The following GALNTL6 variants were observed in gnomAD, a reference collection of about 807,000 sequenced individuals.
The protein encoded by GALNTL6 is polypeptide N-acetylgalactosaminyltransferase-like 6.
Under a neutral mutation model 73.7 loss-of-function variants are expected in GALNTL6, and 46 were observed. The ratio of observed to expected loss-of-function variants is 0.62; its 90% CI spans 0.49 to 0.80. GALNTL6 has a LOEUF of 0.80. Among genes scored for constraint, GALNTL6 ranks in the 30% least tolerant of loss-of-function variants. The pLI is 0.00. For synonymous variants in GALNTL6, 259 were observed against 263.7 expected, an observed-to-expected ratio of 0.98 and a Z score of 0.17; for missense variants, 604 against 755.0, an observed-to-expected ratio of 0.80 and a Z score of 2.34.
At chr4:172,209,091 C>T (rs781450779) in intron 2 of GALNTL6, among the ~76,000 whole-genome samples, 35 of 152,068 alleles carry the variant, frequency 2.3e-4, no homozygotes, top group Non-Finnish European at 4.0e-4. Context: ...ATTACAAGGA[C>T]GTCTAATTGC....
At chr4:172,675,855 T>G (rs962781754) in intron 5 of GALNTL6, among the ~76,000 whole-genome samples, 1 of 152,302 alleles carries the variant, frequency 6.6e-6, no homozygotes, top group East Asian at 1.9e-4. Flanking sequence ...GTCTCAGTAT[T>G]TGGTGTTTTG....
intron 2 of GALNTL6, among the ~76,000 whole-genome samples, chr4:171,995,831 C>T (rs1740470001): frequency 6.6e-6 from 1 of 151,924 alleles, no homozygotes; most frequent in Non-Finnish European, 1.5e-5. Flanking sequence ...AGGATAACAA[C>T]TTAGAAAAGT....
intron 2 of GALNTL6, among the ~76,000 whole-genome samples, chr4:171,882,575 G>A (rs940630167): frequency 1.5e-4 from 23 of 152,162 alleles, no homozygotes; most frequent in African/African-American, 4.6e-4. Context: ...CCAAAGGCCC[G>A]AGAACCCCCG....
At chr4:171,999,142 C>T (rs1387285691) in intron 2 of GALNTL6, among the ~76,000 whole-genome samples, 2 of 152,098 alleles carry the variant, frequency 1.3e-5, no homozygotes. Flanking sequence ...TAGCCTGATT[C>T]CTATGTTATT....
chr4:172,215,159 G>T (rs1016037334), intron 2 of GALNTL6, among the ~76,000 whole-genome samples: 1 of 151,720 alleles, frequency 6.6e-6, no homozygotes, highest in Non-Finnish European at 1.5e-5. Flanking sequence ...TTTAAATTTG[G>T]TGTGTTTCGT....
chr4:172,427,663 C>T (rs989623479), intron 5 of GALNTL6, among the ~76,000 whole-genome samples: 1 of 152,082 alleles, frequency 6.6e-6, no homozygotes, highest in Non-Finnish European at 1.5e-5. Flanking sequence ...GACCAACAGC[C>T]TATTTTAAAA....
intron 3 of GALNTL6, among the ~76,000 whole-genome samples, chr4:172,303,205 G>T (rs558385879): frequency 7.2e-5 from 11 of 152,050 alleles, no homozygotes; most frequent in African/African-American, 2.2e-4. Context: ...TCACCATCTT[G>T]GCCAGGCTGG....
At chr4:172,757,555 C>A (rs1737821249) in intron 5 of GALNTL6, among the ~76,000 whole-genome samples, 1 of 152,180 alleles carries the variant, frequency 6.6e-6, no homozygotes, top group Admixed American at 6.5e-5. Context: ...ACTTGAACTC[C>A]TCTGTCTCAA....
chr4:172,790,823 T>C (rs1739951799), intron 5 of GALNTL6, among the ~76,000 whole-genome samples: 1 of 138,432 alleles, frequency 7.2e-6, no homozygotes, highest in Non-Finnish European at 1.5e-5. Flanking sequence ...AACTGGGACC[T>C]GGGAGGCAGA....
chr4:172,701,574 T>C (rs1734030391), intron 5 of GALNTL6, among the ~76,000 whole-genome samples: 1 of 152,098 alleles, frequency 6.6e-6, no homozygotes, highest in African/African-American at 2.4e-5. Flanking sequence ...GGGTGGGCTT[T>C]AGTCGCAGTG....
intron 7 of GALNTL6, among the ~76,000 whole-genome samples, chr4:172,866,732 C>T (rs1017570348): frequency 2.0e-5 from 3 of 152,298 alleles, no homozygotes; most frequent in South Asian, 2.1e-4. Flanking sequence ...GATGCTGCTG[C>T]GCTGTCTGAA....
chr4:172,424,238 A>AT (rs901878605), intron 5 of GALNTL6, among the ~76,000 whole-genome samples: 1 of 151,982 alleles, frequency 6.6e-6, no homozygotes, highest in African/African-American at 2.4e-5. Flanking sequence ...AATTTTATTT[A>AT]TTTTTCCCCT....
intron 2 of GALNTL6, among the ~76,000 whole-genome samples, chr4:172,053,051 A>T (rs2110862667): frequency 6.6e-6 from 1 of 152,322 alleles, no homozygotes; most frequent in South Asian, 2.1e-4. Context: ...AGACTTATGC[A>T]GTGACATGTA....
At chr4:172,705,391 A>G (rs1734286410) in intron 5 of GALNTL6, among the ~76,000 whole-genome samples, 1 of 151,874 alleles carries the variant, frequency 6.6e-6, no homozygotes, top group African/African-American at 2.4e-5. Flanking sequence ...TGTTTTTAAC[A>G]AAGTTATTTT....
At position 172,866,555 on chromosome 4, in the gene GALNTL6, G is replaced by T. The variant is rs748169941; in HGVS notation, c.924-16235G>T. 1.8e-4 allele frequency among the ~76,000 whole-genome samples: 28 copies of T among 152,262 alleles called. 1 individual carries two copies. The highest frequency in any genetic ancestry group is 9.8e-4 in the Admixed American group (15 of 15,296). ...GGCATATGTTTAGATGTTGATTATT[G>T]TTGGTTATTGTTACATTACCTTACA... On this transcript the variant is annotated intron_variant, in intron 7 of 12. Transcript: ENST00000506823.
chr4:171,868,175 G>A (rs764034219), intron 2 of GALNTL6, among the ~76,000 whole-genome samples: 1 of 151,862 alleles, frequency 6.6e-6, no homozygotes, highest in African/African-American at 2.4e-5. Flanking sequence ...TTTTAGTAGA[G>A]AAAGATTCTC....
chr4:172,882,012 A>G (rs1247883270), intron 7 of GALNTL6, among the ~76,000 whole-genome samples: 4 of 151,716 alleles, frequency 2.6e-5, no homozygotes, highest in Non-Finnish European at 5.9e-5. Flanking sequence ...ACCAGCACAT[A>G]GTGAGCAGTC....
At chr4:172,495,770 T>C (rs1445550331) in intron 5 of GALNTL6, among the ~76,000 whole-genome samples, 1 of 152,208 alleles carries the variant, frequency 6.6e-6, no homozygotes, top group Non-Finnish European at 1.5e-5. Context: ...TCTGCATTTC[T>C]AATAAGCTTC....
At chr4:172,401,314 T>C (rs2111324270) in intron 5 of GALNTL6, among the ~76,000 whole-genome samples, 1 of 152,286 alleles carries the variant, frequency 6.6e-6, no homozygotes. Context: ...AAATTCACAA[T>C]TAGTGAATTG....
Sources: gnomAD v4.1 joint callset for allele counts (sites outside exome capture counted in the v4.1 genomes callset) on GRCh38, gnomAD v4.1.1 for gene constraint, MANE v1.5 for transcripts, NCBI Gene and HGNC (gene_info 2026-07-23, HGNC 2026-07-21) for gene names.